EI24: variants seen among roughly 807,000 people sequenced by gnomAD.
The protein encoded by EI24 is etoposide-induced protein 2.4 homolog.
A neutral mutation model predicts 48.6 loss-of-function variants in EI24; 21 were observed. The observed-to-expected ratio is 0.43, with a 90% confidence interval of 0.31 to 0.62. The LOEUF (loss-of-function observed/expected upper bound fraction) is 0.62, where lower values mean the gene tolerates loss of function less well. Among genes scored for constraint, EI24 ranks in the 20% least tolerant of loss-of-function variants. EI24 has a pLI of 0.10. For synonymous variants in EI24, 114 were observed against 145.5 expected (o/e 0.78, Z 1.56); for missense variants, 280 against 410.5 (o/e 0.68, Z 2.75).
At chr11:125,578,864 TCTAGTGGCGGA>T (rs1468864036) in intron 6 of EI24, 74 bp from the exon 7 acceptor site, 57 of 1,452,438 alleles carry the variant, frequency 3.9e-5, no homozygotes, top group Admixed American at 6.9e-5. Flanking sequence ...AACTGGCAGC[TCTAGTGGCGGA>T]CTAGTGGCCT....
intron 4 of EI24, among the ~76,000 whole-genome samples, chr11:125,576,648 G>C (rs1456584745): frequency 1.3e-5 from 2 of 152,210 alleles, no homozygotes; most frequent in Non-Finnish European, 2.9e-5. Flanking sequence ...GGGAAGGGCA[G>C]ATACGGCTAG....
At position 125,581,300 on chromosome 11, in the gene EI24, A is replaced by G. The variant is rs1365125068; in HGVS notation, c.763A>G (p.Met255Val). 3.7e-6 allele frequency: 6 copies of G among 1,608,134 alleles called. No homozygotes were observed. Among genetic ancestry groups the G allele is most frequent in the South Asian group, 2.2e-5 (2 of 90,728 alleles). The change falls in exon 9 of 11, where the codon ATG becomes GTG. Residue 255 changes from methionine (M) to valine (V), a missense_variant. By Grantham distance (21) the Met-to-Val change is conservative. Around this residue, in one of 3 missense-constraint regions of EI24, gnomAD observed 14 missense variants for 51.3 expected, o/e 0.27. Transcript: ENST00000278903. ...TTTGCCCTTGGCTTTTCTCACAGCAATGCAGTCCTCATATATTATCAGGTA... is the reference window on the plus strand; with the variant it reads ...TTTGCCCTTGGCTTTTCTCACAGCAGTGCAGTCCTCATATATTATCAGGTA... ...FGLPLAFLTA[M>V]QSSYIISGCL...
At chr11:125,581,517 T>TGCC (rs1938993889) in intron 9 of EI24, among the ~76,000 whole-genome samples, 195 bp downstream of exon 9, 1 of 147,788 alleles carries the variant, frequency 6.8e-6, no homozygotes, top group Non-Finnish European at 1.5e-5. Flanking sequence ...TTTTCTATGT[T>TGCC]GCCTCCTGAA....
Position 125,583,864 on chromosome 11 carries a change from T to C in EI24, c.*181T>C. 1.4e-6 allele frequency: 1 copy of C among 712,494 alleles called. No homozygotes were observed. The highest frequency in any genetic ancestry group is 2.3e-6 in the Non-Finnish European group (1 of 439,210). The allele number at this position is 712,494 out of a possible 1,614,324, so 44.1% of individuals were successfully genotyped here. A position where few individuals can be genotyped will look rare whatever the true frequency, so the allele number is the denominator to read the frequency against. ...GGTGCACGTAAGGCAGAATGTTCCC[T>C]GACACCAGTGTGTGGATTTTTAACA... On this transcript the variant is annotated 3_prime_UTR_variant, in exon 11 of 11. Coordinates refer to ENST00000278903, the MANE Select transcript of EI24 (RefSeq NM_004879.5).
intron 9 of EI24, among the ~76,000 whole-genome samples, 195 bp from the exon 10 acceptor site, chr11:125,582,151 T>C (rs1939034881): frequency 6.6e-6 from 1 of 151,720 alleles, no homozygotes; most frequent in Non-Finnish European, 1.5e-5. Flanking sequence ...TGAGTTGAGA[T>C]CTTGCCACTG....
At chr11:125,577,402 TTA>T in intron 4 of EI24, 100 bp from the exon 5 acceptor site, 6 of 1,211,024 alleles carry the variant, frequency 5.0e-6, no homozygotes, top group Non-Finnish European at 7.2e-6. Context: ...GCCTCCTGAT[TTA>T]TAAAAGTCAC....
At chr11:125,576,653 G>A (rs576713976) in intron 4 of EI24, among the ~76,000 whole-genome samples, 7 of 152,236 alleles carry the variant, frequency 4.6e-5, no homozygotes, top group African/African-American at 1.2e-4. Context: ...GGGCAGATAC[G>A]GCTAGACAAG....
At chr11:125,573,034 C>T (rs1330574349) in intron 2 of EI24, among the ~76,000 whole-genome samples, 3 of 151,296 alleles carry the variant, frequency 2.0e-5, no homozygotes, top group African/African-American at 7.3e-5. Flanking sequence ...ATTAGAGAAC[C>T]TATCTTTTTT....
chr11:125,581,203 T>G lies in EI24; in HGVS notation c.674-8T>G. On this transcript the variant is annotated splice_polypyrimidine_tract_variant and splice_region_variant and intron_variant, in intron 8 of 10. Transcript: ENST00000278903. ...TAATATCTAATTGTATTGGCTTTCT[T>G]GTTTTAGGAATTGAAATGCACCAGC... 1 of 1,599,638 alleles carries G rather than the reference T, an allele frequency of 6.3e-7. No individual in the cohort carries two copies. Among genetic ancestry groups the G allele is most frequent in the South Asian group, 1.1e-5 (1 of 90,424 alleles).
intron 6 of EI24, among the ~76,000 whole-genome samples, chr11:125,578,480 C>CG (rs1938843659): frequency 1.2e-5 from 1 of 84,694 alleles, no homozygotes; most frequent in Non-Finnish European, 2.2e-5. Context: ...TTCGTTTTGG[C>CG]TTTTTTTTTT....
chr11:125,570,407 A>G (rs485284), intron 1 of EI24: 11,225 of 152,360 alleles, frequency 0.074, 517 homozygotes, highest in Middle Eastern at 0.17. Flanking sequence ...CCCATGCCTC[A>G]GCTATTTGTC....
intron 6 of EI24, 72 bp downstream of exon 6, chr11:125,578,329 G>A: frequency 6.2e-7 from 1 of 1,600,058 alleles, no homozygotes; most frequent in Non-Finnish European, 8.6e-7. Context: ...TTCAGCCTGT[G>A]AAGTTAGTGG....
intron 10 of EI24, 121 bp from the exon 11 acceptor site, chr11:125,583,400 G>T: frequency 1.2e-6 from 1 of 833,486 alleles, no homozygotes; most frequent in Non-Finnish European, 1.8e-6. Flanking sequence ...GTATTTCCTT[G>T]ATCAAGTTTC....
intron 10 of EI24, among the ~76,000 whole-genome samples, chr11:125,582,963 G>A (rs1314815828): frequency 2.0e-5 from 3 of 152,202 alleles, no homozygotes; most frequent in Non-Finnish European, 4.4e-5. Context: ...GACATAGCTT[G>A]AAGTCTGTAC....
Position 125,580,132 on chromosome 11 carries a change from C to T in EI24, c.601C>T (p.Gln201Ter), listed in dbSNP as rs1938934162. The stretch of plus-strand genomic sequence containing the variant: ...TCTCTTTCCCATCCATCTTGTCGGT[C>T]AGCTGGTTAGTCTCCTGCATATGTC... ...VSLFPIHLVG[Q>*]LVSLLHMSLL... The change falls in exon 8 of 11, where the codon CAG (glutamine) becomes TAG (stop). Residue 201 changes from glutamine (Q) to a stop codon, truncating the protein, a stop_gained. Coordinates refer to ENST00000278903, the MANE Select transcript of EI24 (RefSeq NM_004879.5). LOFTEE classifies it high-confidence loss of function. The T allele has an allele frequency of 1.2e-6, 2 of 1,613,740 alleles. No individual in the cohort carries two copies. Among genetic ancestry groups the T allele is most frequent in the Admixed American group, 1.7e-5 (1 of 59,992 alleles).
intron 9 of EI24, among the ~76,000 whole-genome samples, chr11:125,581,638 C>A (rs953695578): frequency 6.9e-5 from 10 of 145,674 alleles, no homozygotes; most frequent in African/African-American, 2.5e-4. Context: ...CCTCCGCCTC[C>A]TGGGTTTAAC....
chr11:125,575,511 G>GA, intron 3 of EI24, 103 bp downstream of exon 3: 1 of 1,311,134 alleles, frequency 7.6e-7, no homozygotes, highest in Non-Finnish European at 1.0e-6. Flanking sequence ...CTTTTTCCCA[G>GA]AAAAATGTTG....
intron 7 of EI24, among the ~76,000 whole-genome samples, chr11:125,579,481 C>T (rs1938899094): frequency 6.6e-6 from 1 of 151,852 alleles, no homozygotes; most frequent in African/African-American, 2.4e-5. Flanking sequence ...GCCTGGCCAA[C>T]ATGGTGAAAC....
At chr11:125,576,743 T>G (rs1938765755) in intron 4 of EI24, among the ~76,000 whole-genome samples, 2 of 152,228 alleles carry the variant, frequency 1.3e-5, no homozygotes, top group African/African-American at 4.8e-5. Context: ...AAAGATTGCC[T>G]ACCATTTACT....
Sources: gnomAD v4.1 joint callset for allele counts (sites outside exome capture counted in the v4.1 genomes callset) on GRCh38, gnomAD v4.1.1 for gene constraint, gnomAD v4.1.1 regional missense constraint, MANE v1.5 for transcripts, NCBI Gene and HGNC (gene_info 2026-07-23, HGNC 2026-07-21) for gene names.